SNTG2: variants seen among roughly 807,000 people sequenced by gnomAD.
SNTG2 encodes the protein gamma-2-syntrophin.
A neutral mutation model predicts 70.9 loss-of-function variants in SNTG2; 74 were observed. The ratio of observed to expected loss-of-function variants is 1.04; its 90% confidence interval spans 0.86 to 1.27. The LOEUF is 1.27. Among genes scored for constraint, SNTG2 ranks in the 50% most tolerant of loss-of-function variants. The pLI is 0.00. For missense variants in SNTG2, 717 were observed against 690.7 expected, an observed-to-expected ratio of 1.04 and a Z score of -0.43; for synonymous variants, 278 against 273.8, an observed-to-expected ratio of 1.02 and a Z score of -0.15.
intron 9 of SNTG2, among the ~76,000 whole-genome samples, chr2:1,230,916 G>A (rs1216375754): frequency 1.3e-5 from 2 of 152,058 alleles, no homozygotes; most frequent in African/African-American, 4.8e-5. Flanking sequence ...GGGTCACTGC[G>A]AGGGTGAAAT....
chr2:1,098,174 T>C (rs1665517021), intron 2 of SNTG2, 22 bp from the exon 3 acceptor site: 1 of 1,612,132 alleles, frequency 6.2e-7, no homozygotes, highest in South Asian at 1.1e-5. Flanking sequence ...AAACTTGGTT[T>C]GTTTTCTAAA....
chr2:1,266,586 C>T (rs1678747306), intron 13 of SNTG2, among the ~76,000 whole-genome samples: 1 of 151,984 alleles, frequency 6.6e-6, no homozygotes, highest in South Asian at 2.1e-4. Flanking sequence ...GGCACTCGGT[C>T]CTTTATCTCA....
chr2:1,044,330 T>C (rs1018256047), intron 1 of SNTG2, among the ~76,000 whole-genome samples: 2 of 152,178 alleles, frequency 1.3e-5, no homozygotes, highest in African/African-American at 4.8e-5. Flanking sequence ...TTTCTAGATA[T>C]AAAATCATAT....
At chr2:1,185,538 CA>C (rs1333513904) in intron 8 of SNTG2, among the ~76,000 whole-genome samples, 5 of 152,212 alleles carry the variant, frequency 3.3e-5, no homozygotes, top group Non-Finnish European at 7.3e-5. Flanking sequence ...CGGAGGCTCC[CA>C]AACCTTGACT....
At position 1,036,960 on chromosome 2, in the gene SNTG2, T is replaced by C. The variant is rs1454266823; in HGVS notation, c.73-46558T>C. Among the ~76,000 whole-genome samples the C allele has an allele frequency of 2.0e-5, 3 of 151,128 alleles. No individual in the cohort carries two copies. The East Asian group carries it at 5.8e-4, about 29-fold the overall frequency. On this transcript the variant is annotated intron_variant, in intron 1 of 16. Coordinates refer to ENST00000308624, the MANE Select transcript of SNTG2 (RefSeq NM_018968.4). The stretch of plus-strand genomic sequence containing the variant: ...AGGAGCCTGGGTTGTGCCCACATCA[T>C]GTGCTGCCAGACCTGGAGGTGAGGG...
intron 2 of SNTG2, 21 bp downstream of exon 2, chr2:1,083,676 G>A: frequency 6.2e-7 from 1 of 1,613,562 alleles, no homozygotes; most frequent in South Asian, 1.1e-5. Flanking sequence ...TCACTTCAGG[G>A]AAGTCTTGGA....
chr2:1,314,641 A>C (rs13011951), intron 15 of SNTG2, among the ~76,000 whole-genome samples: 1 of 152,224 alleles, frequency 6.6e-6, no homozygotes, highest in South Asian at 2.1e-4. Flanking sequence ...GAATGGATAC[A>C]CATGCTTCAC....
Position 1,308,541 on chromosome 2 carries a change from G to T in SNTG2, c.1332G>T (p.Thr444=), listed in dbSNP as rs984470031. 1 of 1,551,628 alleles carries T rather than the reference G, an allele frequency of 6.4e-7. No homozygotes were observed. Among genetic ancestry groups the T allele is most frequent in the Admixed American group, 2.0e-5 (1 of 50,994 alleles). The change falls in exon 15 of 17, where the codon ACG becomes ACT. Residue 444 remains threonine (T), a synonymous_variant. Transcript: ENST00000308624. ...GGCAAGGAGAGATGCTGTGTTTCAC[G>T]GTGGATTTCGCGTTGGGATTTACCT... The part of the protein sequence containing the change: ...CSWQGEMLCF[T]VDFALGFTCF...
In SNTG2 at chr2:1,081,733, C is replaced by T. The variant is rs945349178; in HGVS notation, c.73-1785C>T. ...AGCACTCCCAGTTCCAGCACCCACC[C>T]GGTCTGGCAATCTCACCCGTGTACA... On this transcript the variant is annotated intron_variant, in intron 1 of 16. Coordinates refer to ENST00000308624, the MANE Select transcript of SNTG2 (RefSeq NM_018968.4). Among the ~76,000 whole-genome samples the T allele has an allele frequency of 4.6e-5, 7 of 152,250 alleles. No homozygotes were observed. The South Asian group carries it at 8.3e-4, about 18-fold the overall frequency.
intron 14 of SNTG2, among the ~76,000 whole-genome samples, chr2:1,276,149 G>C (rs1558623929): frequency 6.6e-6 from 1 of 152,210 alleles, no homozygotes; most frequent in Non-Finnish European, 1.5e-5. Context: ...AGCAAGTGCT[G>C]ATCAAGAAGC....
At chr2:1,046,649 T>C (rs1235434700) in intron 1 of SNTG2, among the ~76,000 whole-genome samples, 4 of 152,140 alleles carry the variant, frequency 2.6e-5, no homozygotes, top group African/African-American at 9.7e-5. Context: ...TTTTTGGTTG[T>C]AATTTATTTT....
At chr2:1,183,013 C>G (rs976828514) in intron 8 of SNTG2, among the ~76,000 whole-genome samples, 4 of 152,196 alleles carry the variant, frequency 2.6e-5, no homozygotes, top group Non-Finnish European at 1.5e-5. Context: ...CCTCAGCCCC[C>G]TAAAATGCTG....
chr2:1,254,736 A>T (rs1302077589), intron 12 of SNTG2, among the ~76,000 whole-genome samples: 1 of 152,168 alleles, frequency 6.6e-6, no homozygotes, highest in Non-Finnish European at 1.5e-5. Flanking sequence ...TACTTAGAAA[A>T]TTGTCAATTG....
At chr2:1,202,995 T>A (rs528732900) in intron 8 of SNTG2, among the ~76,000 whole-genome samples, 2 of 152,304 alleles carry the variant, frequency 1.3e-5, no homozygotes, top group East Asian at 3.9e-4. Flanking sequence ...ATGCTCAGTG[T>A]TGATAGGACG....
intron 16 of SNTG2, among the ~76,000 whole-genome samples, chr2:1,334,491 C>T (rs1572996269): frequency 6.6e-6 from 1 of 152,250 alleles, no homozygotes; most frequent in East Asian, 1.9e-4. Flanking sequence ...CACATGCACA[C>T]AAATGTTTAT....
chr2:1,259,312 A>C (rs1678289932), intron 12 of SNTG2, 58 bp from the exon 13 acceptor site: 1 of 1,551,690 alleles, frequency 6.4e-7, no homozygotes, highest in Non-Finnish European at 8.9e-7. Context: ...TAAATTTTTA[A>C]ATTTTTCAAC....
chr2:1,264,297 G>A (rs1013033516), intron 13 of SNTG2, among the ~76,000 whole-genome samples: 7 of 152,222 alleles, frequency 4.6e-5, no homozygotes, highest in Admixed American at 1.3e-4. Flanking sequence ...GTTAACTGGA[G>A]CACATAGTGT....
rs146984969 is a variant in SNTG2 at position 1,065,656 on chromosome 2, G to C, written c.73-17862G>C. ...TATTTAGCAATACGTTGCAAATCAT[G>C]AACTTTCTTCCTAATACCATCTGTT... On this transcript the variant is annotated intron_variant, in intron 1 of 16. Coordinates refer to ENST00000308624, the MANE Select transcript of SNTG2 (RefSeq NM_018968.4). Among the ~76,000 whole-genome samples, 481 of 152,304 alleles carry C rather than the reference G, an allele frequency of 3.2e-3. 1 individual carries two copies. The highest frequency in any genetic ancestry group is 0.011 in the African/African-American group (462 of 41,566).
intron 4 of SNTG2, among the ~76,000 whole-genome samples, chr2:1,133,018 T>G (rs1333072458): frequency 6.6e-6 from 1 of 152,240 alleles, no homozygotes; most frequent in Non-Finnish European, 1.5e-5. Context: ...CTGCTCAGTG[T>G]CTAATCAGAC....
Sources: allele counts gnomAD v4.1 joint callset (sites outside exome capture counted in the v4.1 genomes callset), GRCh38; gene constraint gnomAD v4.1.1; transcripts MANE v1.5; gene names NCBI Gene and HGNC (gene_info 2026-07-23, HGNC 2026-07-21).